MAPK14: variants seen among roughly 807,000 people sequenced by gnomAD.
The protein encoded by MAPK14 is mitogen-activated protein kinase 14, also known as CSAID-binding protein.
MAPK14 carries 16 observed loss-of-function variants against 49.6 expected under a neutral mutation model. The observed-to-expected ratio is 0.32, with a 90% CI of 0.22 to 0.49. The LOEUF is 0.49. Among genes scored for constraint, MAPK14 ranks in the 20% least tolerant of loss-of-function variants. The pLI is 0.99. For missense variants in MAPK14, 200 were observed against 441.2 expected (o/e 0.45, Z 4.90); for synonymous variants, 142 against 158.0 (o/e 0.90, Z 0.76).
chr6:36,103,322 ATTATTTATTTATTTAT>A (rs10696038), intron 10 of MAPK14, among the ~76,000 whole-genome samples: 1 of 147,396 alleles, frequency 6.8e-6, no homozygotes, highest in African/African-American at 2.5e-5. Flanking sequence ...CTTTATTATT[ATTATTTATTTATTTAT>A]TTATTTATTT....
chr6:36,050,127 T>G (rs543096642), intron 1 of MAPK14, among the ~76,000 whole-genome samples: 13 of 152,224 alleles, frequency 8.5e-5, no homozygotes, highest in Non-Finnish European at 1.9e-4. Flanking sequence ...CTACAGTCTT[T>G]CTTGTTCAAC....
At position 36,035,603 on chromosome 6, in the gene MAPK14, GC is replaced by G. The variant is rs537380182; in HGVS notation, c.116+7331del. ...TGTCGAAAACTGAGATAAGCTGAAA[GC>G]TAGGCTTCTTGTACCAAACAGCCAA... On this transcript the variant is annotated intron_variant, in intron 1 of 11. Transcript: ENST00000229794. Among the ~76,000 whole-genome samples, 1,340 of 152,080 alleles carry G rather than the reference GC, an allele frequency of 8.8e-3. 7 individuals carry two copies. The highest frequency in any genetic ancestry group is 0.015 in the Non-Finnish European group (1,041 of 67,966).
intron 1 of MAPK14, among the ~76,000 whole-genome samples, chr6:36,035,370 A>G (rs533443008): frequency 6.6e-6 from 1 of 152,336 alleles, no homozygotes; most frequent in Admixed American, 6.5e-5. Flanking sequence ...TAATTGATAA[A>G]CATTGTGTGT....
intron 3 of MAPK14, among the ~76,000 whole-genome samples, chr6:36,066,437 C>G (rs1764060956): frequency 6.7e-6 from 1 of 149,244 alleles, no homozygotes; most frequent in African/African-American, 2.6e-5. Context: ...TTAAGAAATG[C>G]TTACCTAAAA....
At chr6:36,043,119 G>A (rs977783774) in intron 1 of MAPK14, among the ~76,000 whole-genome samples, 6 of 146,322 alleles carry the variant, frequency 4.1e-5, no homozygotes, top group African/African-American at 7.8e-5. Context: ...GCAAGACCCC[G>A]TCTCAAAAAA....
At chr6:36,039,031 T>C (rs1050394711) in intron 1 of MAPK14, among the ~76,000 whole-genome samples, 1 of 152,202 alleles carries the variant, frequency 6.6e-6, no homozygotes, top group Non-Finnish European at 1.5e-5. Flanking sequence ...TTAGTAGAGG[T>C]TAGACCATTG....
chr6:36,092,063 T>C (rs1297370218), intron 8 of MAPK14: 13 of 486,892 alleles, frequency 2.7e-5, no homozygotes, highest in Middle Eastern at 8.6e-4. Context: ...GAATAGACTT[T>C]GGCATCCACT....
At chr6:36,099,194 G>A (rs895930647) in intron 9 of MAPK14, among the ~76,000 whole-genome samples, 6 of 152,162 alleles carry the variant, frequency 3.9e-5, no homozygotes, top group Admixed American at 2.6e-4. Context: ...CCTGAATGAG[G>A]GAATTAGTAG....
At chr6:36,029,281 GTAAGGA>G (rs1244955841) in intron 1 of MAPK14, 2 of 152,092 alleles carry the variant, frequency 1.3e-5, no homozygotes, top group Non-Finnish European at 2.9e-5. Flanking sequence ...GATGGTTTTC[GTAAGGA>G]TATGGAACCA....
intron 8 of MAPK14, among the ~76,000 whole-genome samples, chr6:36,095,317 C>A (rs943924049): frequency 6.6e-6 from 1 of 152,186 alleles, no homozygotes. Context: ...TTTGCGTTCT[C>A]ATGGCGCTCC....
In MAPK14 at chr6:36,035,779, C is replaced by T. The variant is rs192835427; in HGVS notation, c.116+7506C>T. On this transcript the variant is annotated intron_variant, in intron 1 of 11. Coordinates refer to ENST00000229794, the MANE Select transcript of MAPK14 (RefSeq NM_139012.3). ...AAGATCAGACCAACCACAACATGCC[C>T]TTAAGTCAAAGCCTAATCTAGAGCA... 6.8e-3 allele frequency among the ~76,000 whole-genome samples: 1,029 copies of T among 152,310 alleles called. 9 individuals carry two copies. Among genetic ancestry groups the T allele is most frequent in the African/African-American group, 0.024 (977 of 41,554 alleles).
intron 1 of MAPK14, among the ~76,000 whole-genome samples, chr6:36,034,737 G>A (rs553940304): frequency 1.3e-5 from 2 of 151,836 alleles, no homozygotes; most frequent in South Asian, 2.1e-4. Flanking sequence ...GGCACAACTC[G>A]TTTTATTATG....
the MAPK14 span, among the ~76,000 whole-genome samples, chr6:36,120,377 C>A: frequency 6.6e-6 from 1 of 152,034 alleles, no homozygotes; most frequent in Admixed American, 6.5e-5. Context: ...GACCTTCACT[C>A]CTCCTCCCAC....
intron 9 of MAPK14, 59 bp downstream of exon 9, chr6:36,096,125 C>T: frequency 8.4e-7 from 1 of 1,185,978 alleles, no homozygotes; most frequent in Non-Finnish European, 1.3e-6. Flanking sequence ...TTGCCTTCTA[C>T]CAATCTGTAC....
At chr6:36,085,922 A>G (rs1380357237) in intron 8 of MAPK14, among the ~76,000 whole-genome samples, 1 of 152,230 alleles carries the variant, frequency 6.6e-6, no homozygotes, top group African/African-American at 2.4e-5. Context: ...AACACTCCTC[A>G]GTAACTGCAA....
intron 6 of MAPK14, among the ~76,000 whole-genome samples, chr6:36,074,962 C>A (rs1764463233): frequency 6.6e-6 from 1 of 151,720 alleles, no homozygotes; most frequent in Non-Finnish European, 1.5e-5. Context: ...CGTGGTGGCT[C>A]ATGCCTGTAA....
chr6:36,081,589 A>T (rs1182683307), intron 8 of MAPK14, among the ~76,000 whole-genome samples: 2 of 152,068 alleles, frequency 1.3e-5, no homozygotes. Context: ...GTTCTATTCT[A>T]TTGGTTTATA....
intron 1 of MAPK14, among the ~76,000 whole-genome samples, chr6:36,033,115 G>A (rs1029898496): frequency 6.6e-6 from 1 of 152,054 alleles, no homozygotes; most frequent in Admixed American, 6.5e-5. Context: ...AGTAGTGATA[G>A]TAGGTCCATG....
chr6:36,045,011 T>C (rs946562267), intron 1 of MAPK14, among the ~76,000 whole-genome samples: 2 of 152,060 alleles, frequency 1.3e-5, no homozygotes, highest in Admixed American at 6.5e-5. Context: ...CACATGCCTG[T>C]AGTCCTGGCT....
Sources: gnomAD v4.1 joint callset for allele counts (sites outside exome capture counted in the v4.1 genomes callset) on GRCh38, gnomAD v4.1.1 for gene constraint, MANE v1.5 for transcripts, NCBI Gene and HGNC (gene_info 2026-07-23, HGNC 2026-07-21) for gene names.